The following CEP112 variants were observed in gnomAD, a reference collection of about 807,000 sequenced individuals.
The protein encoded by CEP112 is centrosomal protein of 112 kDa.
In CEP112, 127 loss-of-function variants were observed where a neutral mutation model predicts 153.0. The observed-to-expected ratio is 0.83, with a 90% CI of 0.72 to 0.96. The LOEUF (loss-of-function observed/expected upper bound fraction) is 0.96. CEP112 is among the 40% of genes least tolerant of loss of function. The pLI, the probability that CEP112 is intolerant of heterozygous loss-of-function variation, is 0.00. For missense variants in CEP112, 1,089 were observed against 1,101.2 expected, an observed-to-expected ratio of 0.99 and a Z score of 0.16; for synonymous variants, 358 against 374.4, an observed-to-expected ratio of 0.96 and a Z score of 0.51.
At chr17:65,990,856 C>A (rs866201087) in intron 17 of CEP112, among the ~76,000 whole-genome samples, 32 of 152,244 alleles carry the variant, frequency 2.1e-4, no homozygotes, top group African/African-American at 7.0e-4. Context: ...CAGTGGCCAT[C>A]TGGCATGGAG....
At chr17:65,915,724 G>T (rs1427021009) in intron 19 of CEP112, among the ~76,000 whole-genome samples, 1 of 149,296 alleles carries the variant, frequency 6.7e-6, no homozygotes, top group East Asian at 2.0e-4. Flanking sequence ...GGAGGCGGAG[G>T]CTGCAGTGAG....
intron 20 of CEP112, among the ~76,000 whole-genome samples, chr17:65,882,723 A>T (rs2059129412): frequency 6.6e-6 from 1 of 152,232 alleles, no homozygotes; most frequent in South Asian, 2.1e-4. Context: ...CTTATGTTAT[A>T]CATATGTCTT....
intron 18 of CEP112, among the ~76,000 whole-genome samples, chr17:65,931,084 C>T (rs189848869): frequency 1.2e-4 from 19 of 152,288 alleles, no homozygotes; most frequent in Admixed American, 3.9e-4. Flanking sequence ...AATAAAAGAA[C>T]TATGGCAAGT....
intron 20 of CEP112, among the ~76,000 whole-genome samples, chr17:65,875,495 G>A (rs770188231): frequency 9.9e-5 from 15 of 151,830 alleles, no homozygotes; most frequent in African/African-American, 2.4e-4. Context: ...ATACCTTTAC[G>A]TACTTCATAA....
intron 6 of CEP112, among the ~76,000 whole-genome samples, chr17:66,127,251 C>T (rs2069890533): frequency 6.6e-6 from 1 of 152,060 alleles, no homozygotes; most frequent in East Asian, 1.9e-4. Context: ...ACTCTATGTG[C>T]TAAGTAATGT....
intron 19 of CEP112, among the ~76,000 whole-genome samples, chr17:65,926,081 G>A (rs7222553): frequency 0.024 from 3,670 of 152,186 alleles, 141 homozygotes; most frequent in African/African-American, 0.073. Flanking sequence ...GAGCACTGAC[G>A]ACAAAATCTC....
At chr17:65,740,889 T>C (rs760553915) in intron 23 of CEP112, among the ~76,000 whole-genome samples, 20 of 152,204 alleles carry the variant, frequency 1.3e-4, no homozygotes, top group Non-Finnish European at 2.1e-4. Flanking sequence ...AAATGTTATA[T>C]CATTCATGCA....
At chr17:65,966,241 A>T (rs1455185302) in intron 17 of CEP112, among the ~76,000 whole-genome samples, 1 of 152,244 alleles carries the variant, frequency 6.6e-6, no homozygotes, top group Non-Finnish European at 1.5e-5. Context: ...AACAACCACA[A>T]GCCAGCTCAG....
chr17:65,950,699 C>CTATTATTATTATTATTATTATTAGTAG (rs57598697), intron 18 of CEP112, among the ~76,000 whole-genome samples: 21 of 147,182 alleles, frequency 1.4e-4, no homozygotes, highest in South Asian at 4.5e-4. Flanking sequence ...GGATACATTA[C>CTATTATTATTATTATTATTATTAGTAG]TAGTAGTAGT....
rs1244112281 is a variant in CEP112, at chr17:66,029,918, C to T, written c.1324G>A (p.Glu442Lys). The T allele has an allele frequency of 1.2e-6, 2 of 1,613,898 alleles. No individual in the cohort carries two copies. The highest frequency in any genetic ancestry group is 1.1e-5 in the South Asian group (1 of 91,072). Residue 442 changes from glutamate (E) to lysine (K), a missense_variant, in exon 13 of 27, where the codon GAA becomes AAA. By Grantham distance (56) the Glu-to-Lys change is moderately conservative. Transcript: ENST00000535342. ...QKLIQEKAELERCYQITCSEL... is the reference protein window; with the variant it reads ...QKLIQEKAELKRCYQITCSEL... ...CTACACGTTATCTGGTAACATCTTT[C>T]AAGTTCTGCTTTTTCTTGAATTAAT...
chr17:66,038,110 A>AAAAAAAAAG (rs71293591), intron 12 of CEP112, among the ~76,000 whole-genome samples: 3 of 120,656 alleles, frequency 2.5e-5, no homozygotes, highest in Non-Finnish European at 3.4e-5. Flanking sequence ...CAAAAAAAAA[A>AAAAAAAAAG]AAAAGAAAAG....
chr17:66,110,298 T>C (rs1253162430), intron 6 of CEP112, among the ~76,000 whole-genome samples: 1 of 151,226 alleles, frequency 6.6e-6, no homozygotes, highest in Non-Finnish European at 1.5e-5. Flanking sequence ...CGCCACTGCA[T>C]TCCAGCCTGG....
intron 23 of CEP112, among the ~76,000 whole-genome samples, chr17:65,698,078 T>TA (rs977343066): frequency 3.9e-5 from 6 of 152,204 alleles, no homozygotes; most frequent in South Asian, 4.1e-4. Flanking sequence ...TTTTTTTTCT[T>TA]AAAAAAACAA....
intron 21 of CEP112, among the ~76,000 whole-genome samples, chr17:65,820,061 T>C (rs1335912902): frequency 2.0e-5 from 3 of 152,128 alleles, no homozygotes; most frequent in Non-Finnish European, 2.9e-5. Context: ...CCCTGTACTA[T>C]TTTTGTAACA....
chr17:66,124,004 CTACGGACAG>C (rs1334231980), intron 6 of CEP112, among the ~76,000 whole-genome samples: 1 of 152,194 alleles, frequency 6.6e-6, no homozygotes, highest in Non-Finnish European at 1.5e-5. Context: ...TCCATCTCTC[CTACGGACAG>C]TAGCTCTGGT....
chr17:65,689,624 C>A lies in CEP112; in HGVS notation c.2608-406G>T, dbSNP rs187620252. 3.6e-3 allele frequency among the ~76,000 whole-genome samples: 541 copies of A among 152,224 alleles called. 7 individuals carry two copies. The highest frequency in any genetic ancestry group is 0.012 in the African/African-American group (517 of 41,542). ...GATAGGAATTGTAATATCTGACCAG[C>A]ATAACATTTTTCAAAATTATATTAT... is the stretch of plus-strand genomic sequence containing the variant. On this transcript the variant is annotated intron_variant, in intron 23 of 26. Transcript: ENST00000535342.
chr17:65,677,429 A>G (rs1369412376), intron 24 of CEP112, among the ~76,000 whole-genome samples: 1 of 152,206 alleles, frequency 6.6e-6, no homozygotes, highest in Non-Finnish European at 1.5e-5. Context: ...ATGCATTTGA[A>G]CACTTTCTAA....
At chr17:65,938,720 A>C (rs940827152) in intron 18 of CEP112, among the ~76,000 whole-genome samples, 13 of 152,234 alleles carry the variant, frequency 8.5e-5, no homozygotes, top group Admixed American at 3.3e-4. Context: ...CACACACACA[A>C]AAACTGAATT....
intron 18 of CEP112, among the ~76,000 whole-genome samples, chr17:65,935,574 C>T (rs1443207258): frequency 6.6e-6 from 1 of 152,006 alleles, no homozygotes; most frequent in Non-Finnish European, 1.5e-5. Flanking sequence ...GTGTCTTTTT[C>T]AATCACAATG....
Sources: allele counts gnomAD v4.1 joint callset (sites outside exome capture counted in the v4.1 genomes callset), GRCh38; gene constraint gnomAD v4.1.1; transcripts MANE v1.5; gene names NCBI Gene and HGNC (gene_info 2026-07-23, HGNC 2026-07-21).